The following ASAH1 variants were observed in gnomAD, a reference collection of about 807,000 sequenced individuals.
ASAH1 encodes the protein N-acylsphingosine amidohydrolase 1.
Under a neutral mutation model 59.5 loss-of-function variants are expected in ASAH1, and 70 were observed. The observed-to-expected ratio is 1.18, with a 90% CI of 0.97 to 1.43. The LOEUF is 1.43. Among genes scored for constraint, ASAH1 ranks in the 40% most tolerant of loss-of-function variants. ASAH1 has a pLI of 0.00. For missense variants in ASAH1, 660 were observed against 482.5 expected (o/e 1.37, Z -3.45); for synonymous variants, 213 against 166.5 (o/e 1.28, Z -2.15).
Position 18,084,099 on chromosome 8 carries a change from G to C in ASAH1, c.-41C>G, listed in dbSNP as rs768560719. The C allele has an allele frequency of 6.3e-7, 1 of 1,595,820 alleles. No homozygotes were observed. Among genetic ancestry groups the C allele is most frequent in the South Asian group, 1.1e-5 (1 of 90,842 alleles). On this transcript the variant is annotated 5_prime_UTR_variant, in exon 1 of 14. Coordinates refer to ENST00000637790, the MANE Select transcript of ASAH1 (RefSeq NM_177924.5). ...CGCCACTCCCCGGACTCCAGCAGAG[G>C]CAAAGAAGAGCCGGCTGGGCCGGGG...
chr8:18,077,128 C>G (rs1800436031), intron 1 of ASAH1, among the ~76,000 whole-genome samples: 1 of 152,172 alleles, frequency 6.6e-6, no homozygotes, highest in South Asian at 2.1e-4. Context: ...TCACAAGAGA[C>G]ATCAGGATAT....
chr8:18,064,438 T>A lies in ASAH1; in HGVS notation c.457+19A>T. On this transcript the variant is annotated intron_variant, in intron 6 of 13. Coordinates refer to ENST00000637790, the MANE Select transcript of ASAH1 (RefSeq NM_177924.5). ...ATGTAGTGCTTCATGCTGCCCACCC[T>A]CCCTCAGCGCACAATTACCTTTTTT... The A allele has an allele frequency of 2.6e-6, 4 of 1,515,098 alleles. No homozygotes were observed. Among genetic ancestry groups the A allele is most frequent in the Non-Finnish European group, 3.7e-6 (4 of 1,092,730 alleles). The allele number at this position is 1,515,098 out of a possible 1,614,324, so 93.9% of individuals were successfully genotyped here. A position where few individuals can be genotyped will look rare whatever the true frequency, so the allele number is the denominator to read the frequency against.
At chr8:18,074,180 A>T (rs1800293838) in intron 2 of ASAH1, among the ~76,000 whole-genome samples, 2 of 152,202 alleles carry the variant, frequency 1.3e-5, no homozygotes, top group Admixed American at 1.3e-4. Context: ...AGTGAGACCA[A>T]CAGAGAGACA....
At chr8:18,079,621 G>C (rs1800566300) in intron 1 of ASAH1, among the ~76,000 whole-genome samples, 1 of 152,126 alleles carries the variant, frequency 6.6e-6, no homozygotes, top group African/African-American at 2.4e-5. Context: ...GCCCTTGTGT[G>C]CTTGTCTTAT....
intron 5 of ASAH1, chr8:18,066,280 G>T (rs1366683960): frequency 6.6e-6 from 1 of 151,762 alleles, no homozygotes; most frequent in South Asian, 2.1e-4. Flanking sequence ...AAAAATGAAG[G>T]TCATAGACTG....
chr8:18,083,266 C>G (rs1224091482), intron 1 of ASAH1: 1 of 152,290 alleles, frequency 6.6e-6, no homozygotes, highest in Non-Finnish European at 1.5e-5. Context: ...TCAAGAGGCT[C>G]GGACGTTACG....
At chr8:18,070,449 A>C (rs969158189) in intron 3 of ASAH1, among the ~76,000 whole-genome samples, 2 of 149,458 alleles carry the variant, frequency 1.3e-5, no homozygotes, top group Admixed American at 6.6e-5. Context: ...CGCCTGGCCT[A>C]ATTTTTGTAT....
intron 1 of ASAH1, 191 bp downstream of exon 1, chr8:18,083,790 C>T (rs1800764088): frequency 8.5e-7 from 1 of 1,170,304 alleles, no homozygotes; most frequent in African/African-American, 1.5e-5. Flanking sequence ...GCAGGTAGCA[C>T]CGAATCTACC....
intron 10 of ASAH1, chr8:18,061,152 A>G: frequency 2.4e-6 from 1 of 409,202 alleles, no homozygotes; most frequent in Non-Finnish European, 4.4e-6. Flanking sequence ...TGCCTTTCAT[A>G]ATGTCAGTAT....
intron 1 of ASAH1, among the ~76,000 whole-genome samples, chr8:18,081,362 AC>A (rs34152626): frequency 6.6e-6 from 1 of 151,784 alleles, no homozygotes; most frequent in African/African-American, 2.4e-5. Flanking sequence ...CCTCATATCT[AC>A]CCTTGCTGAC....
chr8:18,063,286 G>C lies in ASAH1; in HGVS notation c.458-56C>G, dbSNP rs1196422228. ...ATAGCAGTTAAGATTCTAAATCAAA[G>C]CTGGACAATTAATTTTGATTAATTA... On this transcript the variant is annotated intron_variant, in intron 6 of 13. Coordinates refer to ENST00000637790, the MANE Select transcript of ASAH1 (RefSeq NM_177924.5). 3 of 1,460,620 alleles carry C rather than the reference G, an allele frequency of 2.1e-6. No individual in the cohort carries two copies. In the African/African-American group the frequency reaches 4.2e-5, roughly 20 times the overall value. 90.5% of individuals were successfully genotyped at this position (1,460,620 alleles called of 1,614,324 possible).
intron 5 of ASAH1, chr8:18,064,795 A>C: frequency 2.5e-6 from 1 of 392,708 alleles, no homozygotes; most frequent in Non-Finnish European, 4.6e-6. Context: ...CACATCCAAA[A>C]TGTTTATCAA....
At chr8:18,080,216 G>A (rs1026061652) in intron 1 of ASAH1, among the ~76,000 whole-genome samples, 21 of 152,194 alleles carry the variant, frequency 1.4e-4, no homozygotes, top group African/African-American at 5.1e-4. Flanking sequence ...CAACAATGTT[G>A]ACATACGCTG....
At chr8:18,062,727 G>C (rs748043060) in intron 7 of ASAH1, 2 of 427,566 alleles carry the variant, frequency 4.7e-6, no homozygotes, top group Non-Finnish European at 8.6e-6. Context: ...ACATAAAATA[G>C]AAGAGCATGT....
intron 1 of ASAH1, chr8:18,082,676 A>C (rs898216770): frequency 6.6e-6 from 1 of 152,184 alleles, no homozygotes; most frequent in Non-Finnish European, 1.5e-5. Flanking sequence ...CATGCAACCG[A>C]AGTTCAAATT....
chr8:18,076,099 C>G (rs1433725869), intron 1 of ASAH1: 3 of 172,676 alleles, frequency 1.7e-5, no homozygotes, highest in Non-Finnish European at 3.8e-5. Context: ...TAGCCATACG[C>G]AGGCACTTCC....
rs1799736440 is a variant in ASAH1 at position 18,062,297 on chromosome 8, C to T, written c.630G>A (p.Met210Ile). The change falls in exon 8 of 14, where the codon ATG (methionine) becomes ATA (isoleucine). Residue 210 changes from methionine (M) to isoleucine (I), a missense_variant. By Grantham distance (10) the Met-to-Ile change is conservative. Coordinates refer to ENST00000637790, the MANE Select transcript of ASAH1 (RefSeq NM_177924.5). ...KASSFAGYVG[M>I]LTGFKPGLFS... ...TCCTTACTGGTTTGAATCCTGTTAA[C>T]ATGCCCACATAGCCAGCAAAGCTTG... 6.2e-7 allele frequency: 1 copy of T among 1,614,224 alleles called. No individual in the cohort carries two copies.
chr8:18,081,899 A>G (rs939668722), intron 1 of ASAH1, among the ~76,000 whole-genome samples: 1 of 152,186 alleles, frequency 6.6e-6, no homozygotes, highest in African/African-American at 2.4e-5. Flanking sequence ...AGGATTTTCC[A>G]GGCCAGTAAA....
At position 18,056,325 on chromosome 8, in the gene ASAH1, C is replaced by G. The variant is rs1191763510; in HGVS notation, c.*1209G>C. ...GACCGTTTAGTCATATTTAATAACC[C>G]ACTTACATAACCCTTGTTATTTAAT... On this transcript the variant is annotated 3_prime_UTR_variant, in exon 14 of 14. Transcript: ENST00000637790. 1 of 152,106 alleles carries G rather than the reference C, an allele frequency of 6.6e-6. No homozygotes were observed. The highest frequency in any genetic ancestry group is 6.5e-5 in the Admixed American group (1 of 15,268). 9.4% of individuals were successfully genotyped at this position (152,106 alleles called of 1,614,324 possible).
Sources: allele counts gnomAD v4.1 joint callset (sites outside exome capture counted in the v4.1 genomes callset), GRCh38; gene constraint gnomAD v4.1.1; transcripts MANE v1.5; gene names NCBI Gene and HGNC (gene_info 2026-07-23, HGNC 2026-07-21).